The following SPAG16 variants were observed in gnomAD, a reference collection of about 807,000 sequenced individuals.
SPAG16 encodes the protein sperm-associated antigen 16 protein.
SPAG16 carries 86 observed loss-of-function variants against 80.4 expected under a neutral mutation model. That is an observed-to-expected ratio of 1.07 (90% CI 0.90 to 1.28). SPAG16 has a LOEUF of 1.28. Among genes scored for constraint, SPAG16 ranks in the 50% most tolerant of loss-of-function variants. The pLI is 0.00. For synonymous variants in SPAG16, 294 were observed against 265.9 expected (o/e 1.11, Z -1.03); for missense variants, 870 against 765.3 (o/e 1.14, Z -1.61).
intron 11 of SPAG16, among the ~76,000 whole-genome samples, chr2:213,887,722 G>A (rs1186277285): frequency 6.6e-6 from 1 of 151,110 alleles, no homozygotes; most frequent in African/African-American, 2.4e-5. Flanking sequence ...ATATATATAT[G>A]TTTTCTATGT....
intron 11 of SPAG16, among the ~76,000 whole-genome samples, chr2:213,885,870 G>A (rs968099831): frequency 1.3e-5 from 2 of 152,104 alleles, no homozygotes; most frequent in African/African-American, 4.8e-5. Context: ...ATAATTCAGA[G>A]ATCCAACAGC....
intron 15 of SPAG16, among the ~76,000 whole-genome samples, chr2:214,350,620 T>C (rs1346146803): frequency 1.3e-5 from 2 of 152,138 alleles, no homozygotes; most frequent in South Asian, 2.1e-4. Flanking sequence ...TCCTCTCCCA[T>C]ACAGTGAAGC....
intron 13 of SPAG16, among the ~76,000 whole-genome samples, chr2:214,079,407 A>AT (rs2051251043): frequency 6.6e-6 from 1 of 152,196 alleles, no homozygotes; most frequent in Non-Finnish European, 1.5e-5. Context: ...TGTTTGAATA[A>AT]TTTGTTGTGT....
chr2:214,393,194 T>G lies in SPAG16; in HGVS notation c.1721-16946T>G, dbSNP rs574886026. Among the ~76,000 whole-genome samples, 94 of 152,366 alleles carry G rather than the reference T, an allele frequency of 6.2e-4. 1 individual carries two copies. The highest frequency in any genetic ancestry group is 2.2e-3 in the African/African-American group (90 of 41,594). On this transcript the variant is annotated intron_variant, in intron 15 of 15. Transcript: ENST00000331683. Reference sequence around the variant, plus strand: ...TCTAATCTCTTTTCTTGAAATTAGATTAAACATATTTTCGTGAATCTCAGA... The same window carrying G: ...TCTAATCTCTTTTCTTGAAATTAGAGTAAACATATTTTCGTGAATCTCAGA...
chr2:213,318,496 T>TTA (rs1297568864), intron 5 of SPAG16, among the ~76,000 whole-genome samples: 1 of 151,892 alleles, frequency 6.6e-6, no homozygotes, highest in Admixed American at 6.6e-5. Flanking sequence ...ACTGGAGACT[T>TTA]TAAAAGGTGG....
chr2:214,091,458 C>G (rs1246540871), intron 13 of SPAG16, among the ~76,000 whole-genome samples: 1 of 152,084 alleles, frequency 6.6e-6, no homozygotes, highest in Non-Finnish European at 1.5e-5. Context: ...TATGCTGGGT[C>G]TTTCTCAATG....
At chr2:214,374,835 A>G (rs769088892) in intron 15 of SPAG16, among the ~76,000 whole-genome samples, 2 of 152,210 alleles carry the variant, frequency 1.3e-5, no homozygotes, top group African/African-American at 2.4e-5. Flanking sequence ...ATGGTTTTTA[A>G]TAAGCACTCC....
At chr2:213,781,256 T>C (rs1360899499) in intron 10 of SPAG16, among the ~76,000 whole-genome samples, 1 of 152,214 alleles carries the variant, frequency 6.6e-6, no homozygotes, top group African/African-American at 2.4e-5. Flanking sequence ...TGTCTAAGTC[T>C]TCTCCATTAT....
chr2:213,789,680 C>A (rs2070566946), intron 10 of SPAG16, among the ~76,000 whole-genome samples: 2 of 151,862 alleles, frequency 1.3e-5, no homozygotes, highest in Admixed American at 1.3e-4. Context: ...TGCAAAGGAA[C>A]CCTCCCTGGT....
Position 213,384,851 on chromosome 2 carries a change from A to G in SPAG16, c.942+9732A>G, listed in dbSNP as rs187729979. The stretch of plus-strand genomic sequence containing the variant: ...CATCTTTCAGCCCTTTAAAGATTCT[A>G]TGTTCTATTGACTATCTTCCTAGCG... On this transcript the variant is annotated intron_variant, in intron 9 of 15. Coordinates refer to ENST00000331683, the MANE Select transcript of SPAG16 (RefSeq NM_024532.5). Among the ~76,000 whole-genome samples the G allele has an allele frequency of 5.9e-5, 9 of 152,276 alleles. No homozygotes were observed. In the East Asian group the frequency reaches 1.3e-3, roughly 23 times the overall value.
At chr2:213,539,570 A>C (rs2076360327) in intron 10 of SPAG16, among the ~76,000 whole-genome samples, 1 of 152,198 alleles carries the variant, frequency 6.6e-6, no homozygotes, top group Non-Finnish European at 1.5e-5. Flanking sequence ...GTGTTTGGCA[A>C]ACAAAGCAAG....
At chr2:213,702,941 A>G (rs1343659924) in intron 10 of SPAG16, among the ~76,000 whole-genome samples, 4 of 152,196 alleles carry the variant, frequency 2.6e-5, no homozygotes, top group Admixed American at 6.5e-5. Flanking sequence ...GTTAGTGTTC[A>G]TCCACGCGCT....
chr2:213,829,172 G>T (rs975306656), intron 10 of SPAG16, among the ~76,000 whole-genome samples: 3 of 152,074 alleles, frequency 2.0e-5, no homozygotes, highest in African/African-American at 7.2e-5. Flanking sequence ...TGGGAGCCAG[G>T]GCCTAGAGTC....
intron 15 of SPAG16, among the ~76,000 whole-genome samples, chr2:214,206,691 C>T (rs1410100566): frequency 6.6e-6 from 1 of 152,136 alleles, no homozygotes. Flanking sequence ...TTTGTGGAAC[C>T]TCCATACTGT....
intron 15 of SPAG16, among the ~76,000 whole-genome samples, chr2:214,349,458 A>G (rs1025733245): frequency 1.3e-5 from 2 of 152,170 alleles, no homozygotes; most frequent in Non-Finnish European, 1.5e-5. Flanking sequence ...TTATCTGAAT[A>G]TATTATAGTC....
chr2:213,837,649 C>T (rs2074157354), intron 10 of SPAG16, among the ~76,000 whole-genome samples: 1 of 152,132 alleles, frequency 6.6e-6, no homozygotes. Flanking sequence ...GAATAATGCA[C>T]CCCAGCAAAT....
At chr2:214,397,924 G>C (rs1237653209) in intron 15 of SPAG16, among the ~76,000 whole-genome samples, 1 of 152,070 alleles carries the variant, frequency 6.6e-6, no homozygotes, top group Admixed American at 6.5e-5. Flanking sequence ...GTAGTTCTCC[G>C]TATGCACTCT....
chr2:214,382,578 G>A (rs908453838), intron 15 of SPAG16, among the ~76,000 whole-genome samples: 1 of 152,174 alleles, frequency 6.6e-6, no homozygotes, highest in Non-Finnish European at 1.5e-5. Context: ...TAGTGGTGGA[G>A]AGATTCTTAG....
At chr2:214,328,906 T>C (rs1696690173) in intron 15 of SPAG16, among the ~76,000 whole-genome samples, 1 of 152,140 alleles carries the variant, frequency 6.6e-6, no homozygotes. Context: ...ATTTATTTAG[T>C]GTATGTGGTT....
Sources: gnomAD v4.1 joint callset for allele counts (sites outside exome capture counted in the v4.1 genomes callset) on GRCh38, gnomAD v4.1.1 for gene constraint, MANE v1.5 for transcripts, NCBI Gene and HGNC (gene_info 2026-07-23, HGNC 2026-07-21) for gene names.